Variants in SLC38A8 observed in about 807,000 individuals in gnomAD.
SLC38A8 encodes amino acid transporter SLC38A8.
A neutral mutation model predicts 46.0 loss-of-function variants in SLC38A8; 65 were observed. The ratio of observed to expected loss-of-function variants is 1.41; its 90% CI spans 1.16 to 1.74. The LOEUF is 1.74. Among genes scored for constraint, SLC38A8 ranks in the 40% most tolerant of loss-of-function variants. The probability of loss-of-function intolerance (pLI) is 0.00; values close to 1 mark genes in which losing one functional copy is unlikely to be tolerated. For missense variants in SLC38A8, 998 were observed against 567.9 expected, an observed-to-expected ratio of 1.76 and a Z score of -7.70; for synonymous variants, 447 against 243.7, an observed-to-expected ratio of 1.83 and a Z score of -7.77.
chr16:84,041,842 G>A, intron 2 of SLC38A8, 127 bp downstream of exon 2: 4 of 855,856 alleles, frequency 4.7e-6, no homozygotes, highest in Non-Finnish European at 7.2e-6. Flanking sequence ...GAGCGGGATA[G>A]AAAATAAAAC....
intron 7 of SLC38A8, among the ~76,000 whole-genome samples, chr16:84,017,656 T>C (rs114657904): frequency 0.01 from 1,583 of 152,302 alleles, 27 homozygotes; most frequent in African/African-American, 0.036. Context: ...CAGCTAGCTG[T>C]GCACACATTT....
Position 84,016,775 on chromosome 16 carries a change from G to A in SLC38A8, c.954-48C>T, listed in dbSNP as rs369418083. 5.6e-5 allele frequency: 88 copies of A among 1,572,358 alleles called. No individual in the cohort carries two copies. The African/African-American group carries it at 1.0e-3, about 18-fold the overall frequency. ...ACACATGGGCATCTCAGGGGCACCA[G>A]CCTCCACCCGACAGCTGCTCCCCAG... On this transcript the variant is annotated intron_variant, in intron 8 of 10. Coordinates refer to ENST00000299709, the MANE Select transcript of SLC38A8 (RefSeq NM_001080442.3).
chr16:84,021,497 G>A (rs2085095976), intron 7 of SLC38A8, among the ~76,000 whole-genome samples: 1 of 152,188 alleles, frequency 6.6e-6, no homozygotes, highest in Non-Finnish European at 1.5e-5. Context: ...AGTTCCGTCT[G>A]AAACCTCCTC....
intron 10 of SLC38A8, 73 bp from the exon 11 acceptor site, chr16:84,009,950 T>C (rs574640613): frequency 7.3e-7 from 1 of 1,367,466 alleles, no homozygotes; most frequent in Non-Finnish European, 1.0e-6. Flanking sequence ...ACATAAAAAA[T>C]TCACTATGTA....
At chr16:84,023,321 A>T (rs1260892599) in intron 6 of SLC38A8, among the ~76,000 whole-genome samples, 1 of 152,188 alleles carries the variant, frequency 6.6e-6, no homozygotes, top group African/African-American at 2.4e-5. Flanking sequence ...CAGGACTTGC[A>T]TCAGGAATAA....
At chr16:84,028,659 G>A (rs1040997594) in intron 6 of SLC38A8, among the ~76,000 whole-genome samples, 1 of 151,366 alleles carries the variant, frequency 6.6e-6, no homozygotes, top group African/African-American at 2.4e-5. Flanking sequence ...CAGAAGCAGA[G>A]GACTGAGCCC....
intron 7 of SLC38A8, among the ~76,000 whole-genome samples, chr16:84,019,681 C>G (rs1363873101): frequency 2.0e-5 from 3 of 152,200 alleles, no homozygotes; most frequent in African/African-American, 7.2e-5. Context: ...CGCTCCAGCA[C>G]CAACTCAGAG....
At chr16:84,015,074 G>T (rs1478846908) in intron 9 of SLC38A8, among the ~76,000 whole-genome samples, 2 of 152,126 alleles carry the variant, frequency 1.3e-5, no homozygotes, top group Admixed American at 1.3e-4. Flanking sequence ...GGGGATACCT[G>T]GCTAAGGGTC....
intron 6 of SLC38A8, among the ~76,000 whole-genome samples, chr16:84,024,767 G>T (rs138477002): frequency 6.6e-6 from 1 of 151,786 alleles, no homozygotes; most frequent in Non-Finnish European, 1.5e-5. Flanking sequence ...TTGGCTCGCC[G>T]CAACCTCCGC....
At chr16:84,021,403 C>A (rs1021097618) in intron 7 of SLC38A8, among the ~76,000 whole-genome samples, 2 of 152,216 alleles carry the variant, frequency 1.3e-5, no homozygotes, top group African/African-American at 4.8e-5. Flanking sequence ...ACAAAACCCT[C>A]AGGCATGGAC....
At chr16:84,041,868 T>C in intron 2 of SLC38A8, 101 bp downstream of exon 2, 1 of 1,062,832 alleles carries the variant, frequency 9.4e-7, no homozygotes, top group Admixed American at 2.4e-5. Context: ...AGCTATAGCT[T>C]ACAGGACACG....
intron 10 of SLC38A8, among the ~76,000 whole-genome samples, chr16:84,012,545 G>A (rs1287791743): frequency 1.3e-5 from 2 of 152,174 alleles, no homozygotes; most frequent in Non-Finnish European, 2.9e-5. Flanking sequence ...ATGTGGGTAT[G>A]GTGGGGAGGT....
chr16:84,010,159 C>G (rs561947762), intron 10 of SLC38A8, among the ~76,000 whole-genome samples: 5 of 149,974 alleles, frequency 3.3e-5, no homozygotes, highest in African/African-American at 1.2e-4. Context: ...CAGCCTCCAC[C>G]TCCCGGGTTC....
chr16:84,024,157 C>T (rs2085131962), intron 6 of SLC38A8, among the ~76,000 whole-genome samples: 1 of 152,116 alleles, frequency 6.6e-6, no homozygotes, highest in African/African-American at 2.4e-5. Flanking sequence ...TCAAATGTTC[C>T]CTGGGGGTAT....
intron 4 of SLC38A8, among the ~76,000 whole-genome samples, chr16:84,032,659 G>A (rs1175643203): frequency 4.6e-5 from 7 of 152,236 alleles, no homozygotes; most frequent in Non-Finnish European, 7.3e-5. Flanking sequence ...TGAGTGGCAC[G>A]AGAGCCTTGC....
chr16:84,022,936 C>G (rs1203211622), intron 6 of SLC38A8, 47 bp from the exon 7 acceptor site: 1 of 1,423,612 alleles, frequency 7.0e-7, no homozygotes, highest in Admixed American at 2.7e-5. Context: ...TCCCCTGGAA[C>G]AGGCGATGCG....
chr16:84,029,434 C>G, intron 6 of SLC38A8, 60 bp downstream of exon 6: 1 of 1,579,072 alleles, frequency 6.3e-7, no homozygotes, highest in Non-Finnish European at 8.7e-7. Flanking sequence ...CCCAAGGGAG[C>G]AGAGAGTCAC....
chr16:84,040,715 G>C (rs1026748871), intron 2 of SLC38A8, among the ~76,000 whole-genome samples: 1 of 152,156 alleles, frequency 6.6e-6, no homozygotes, highest in South Asian at 2.1e-4. Context: ...GGGGCTCAGC[G>C]CAAAGGTCAC....
upstream of SLC38A8, among the ~76,000 whole-genome samples, chr16:84,043,092 C>T (rs1188743316): frequency 1.3e-5 from 2 of 152,220 alleles, no homozygotes; most frequent in African/African-American, 4.8e-5. Flanking sequence ...GCAGGTGCTG[C>T]CTCCTAGGTG....
Sources: gnomAD v4.1 joint callset for allele counts (sites outside exome capture counted in the v4.1 genomes callset) on GRCh38, gnomAD v4.1.1 for gene constraint, MANE v1.5 for transcripts, NCBI Gene and HGNC (gene_info 2026-07-23, HGNC 2026-07-21) for gene names.